The following RALYL variants were observed in gnomAD, a reference collection of about 807,000 sequenced individuals.
RALYL encodes the protein RALY RNA binding protein like.
In RALYL, 29 loss-of-function variants were observed where a neutral mutation model predicts 35.1. The ratio of observed to expected loss-of-function variants is 0.83; its 90% CI spans 0.61 to 1.13. The LOEUF (loss-of-function observed/expected upper bound fraction) is 1.13, where lower values mean the gene tolerates loss of function less well. RALYL is among the 50% of genes most tolerant of loss of function. The probability of loss-of-function intolerance (pLI) is 0.00; values close to 1 mark genes in which losing one functional copy is unlikely to be tolerated. For missense variants in RALYL, 359 were observed against 360.4 expected, an observed-to-expected ratio of 1.00 and a Z score of 0.03; for synonymous variants, 120 against 127.6, an observed-to-expected ratio of 0.94 and a Z score of 0.40.
chr8:84,710,084 A>T (rs1841923747), intron 2 of RALYL, among the ~76,000 whole-genome samples: 1 of 151,820 alleles, frequency 6.6e-6, no homozygotes, highest in Non-Finnish European at 1.5e-5. Flanking sequence ...AATAAACAAA[A>T]AAGCTACGAA....
At chr8:84,238,041 A>C (rs928798636) in intron 1 of RALYL, among the ~76,000 whole-genome samples, 2 of 152,122 alleles carry the variant, frequency 1.3e-5, no homozygotes, top group Non-Finnish European at 2.9e-5. Flanking sequence ...ATTTAAAAAC[A>C]TAAAATGTGA....
chr8:84,710,087 G>T (rs1841924269), intron 2 of RALYL, among the ~76,000 whole-genome samples: 1 of 151,710 alleles, frequency 6.6e-6, no homozygotes, highest in Non-Finnish European at 1.5e-5. Flanking sequence ...AAACAAAAAA[G>T]CTACGAATTG....
intron 2 of RALYL, among the ~76,000 whole-genome samples, chr8:84,579,146 T>C (rs1810232439): frequency 6.6e-6 from 1 of 152,042 alleles, no homozygotes; most frequent in Admixed American, 6.5e-5. Flanking sequence ...CTCCCTCCCA[T>C]GATTATTGGT....
At chr8:84,856,105 C>A (rs1471758472) in intron 5 of RALYL, among the ~76,000 whole-genome samples, 1 of 152,062 alleles carries the variant, frequency 6.6e-6, no homozygotes, top group Non-Finnish European at 1.5e-5. Flanking sequence ...GTATGGTATT[C>A]CATTTGAAAT....
At chr8:84,422,591 C>G (rs1157432242) in intron 1 of RALYL, among the ~76,000 whole-genome samples, 2 of 116,416 alleles carry the variant, frequency 1.7e-5, no homozygotes, top group African/African-American at 3.4e-5. Context: ...CTTCTGCTAG[C>G]TTTTGAATGT....
intron 2 of RALYL, among the ~76,000 whole-genome samples, chr8:84,761,155 G>A (rs1350564113): frequency 6.6e-6 from 1 of 152,076 alleles, no homozygotes; most frequent in East Asian, 1.9e-4. Flanking sequence ...CCTGTGAGAG[G>A]AAGTATTTTC....
chr8:84,802,094 A>G (rs1469051501), intron 3 of RALYL, among the ~76,000 whole-genome samples: 2 of 152,202 alleles, frequency 1.3e-5, no homozygotes, highest in East Asian at 3.9e-4. Flanking sequence ...TTGGACATGC[A>G]GTCTGCTCTG....
chr8:84,468,916 T>C (rs1201393824), intron 1 of RALYL, among the ~76,000 whole-genome samples: 2 of 151,898 alleles, frequency 1.3e-5, no homozygotes, highest in Non-Finnish European at 2.9e-5. Context: ...GCTGATACCC[T>C]TTCTTCCAGT....
intron 2 of RALYL, among the ~76,000 whole-genome samples, chr8:84,637,113 A>G (rs1825225135): frequency 6.6e-6 from 1 of 151,864 alleles, no homozygotes; most frequent in Non-Finnish European, 1.5e-5. Context: ...TTAGGTTCTT[A>G]TCCTTAATGT....
At chr8:84,289,483 G>A (rs1838336155) in intron 1 of RALYL, among the ~76,000 whole-genome samples, 1 of 152,130 alleles carries the variant, frequency 6.6e-6, no homozygotes, top group East Asian at 1.9e-4. Context: ...GGCTAGGTGA[G>A]TGCAAGAATG....
intron 2 of RALYL, among the ~76,000 whole-genome samples, chr8:84,632,389 T>G (rs1372428176): frequency 2.0e-5 from 3 of 151,974 alleles, no homozygotes; most frequent in Non-Finnish European, 1.5e-5. Context: ...ACTAAATATT[T>G]GCTATGTTTA....
chr8:84,195,312 C>T (rs1312644518), intron 1 of RALYL, among the ~76,000 whole-genome samples: 2 of 152,016 alleles, frequency 1.3e-5, no homozygotes, highest in African/African-American at 2.4e-5. Context: ...TGGTGGCATG[C>T]GCCTGTAGTC....
At chr8:84,508,932 A>G (rs2057390377) in intron 1 of RALYL, among the ~76,000 whole-genome samples, 1 of 152,160 alleles carries the variant, frequency 6.6e-6, no homozygotes, top group African/African-American at 2.4e-5. Context: ...AGGAATGAAT[A>G]ATCATTAATA....
At chr8:84,424,797 G>T (rs987313004) in intron 1 of RALYL, among the ~76,000 whole-genome samples, 47 of 152,068 alleles carry the variant, frequency 3.1e-4, no homozygotes, top group Non-Finnish European at 4.3e-4. Context: ...AGGTCTGTTG[G>T]AATACCCTGC....
intron 3 of RALYL, among the ~76,000 whole-genome samples, chr8:84,777,563 G>A (rs1817123761): frequency 6.6e-6 from 1 of 152,196 alleles, no homozygotes. Context: ...TCAATGTAGA[G>A]AATATGGTGG....
intron 2 of RALYL, among the ~76,000 whole-genome samples, chr8:84,577,104 T>C (rs1013099187): frequency 6.6e-6 from 1 of 152,214 alleles, no homozygotes; most frequent in Non-Finnish European, 1.5e-5. Flanking sequence ...TTTTTAGGTC[T>C]TTCTGAGGAG....
chr8:84,425,344 C>T (rs575170996), intron 1 of RALYL, among the ~76,000 whole-genome samples: 196 of 149,620 alleles, frequency 1.3e-3, no homozygotes, highest in Admixed American at 2.9e-3. Context: ...TTCTTTGACT[C>T]GGAAAGGGAA....
At chr8:84,793,800 G>A (rs1381534573) in intron 3 of RALYL, among the ~76,000 whole-genome samples, 1 of 152,182 alleles carries the variant, frequency 6.6e-6, no homozygotes, top group African/African-American at 2.4e-5. Flanking sequence ...GGGTCCAGGG[G>A]AGGGTGGGAA....
chr8:84,694,854 TG>T (rs972730861), intron 2 of RALYL, among the ~76,000 whole-genome samples: 2 of 151,900 alleles, frequency 1.3e-5, no homozygotes, highest in African/African-American at 2.4e-5. Flanking sequence ...ATTTGATATG[TG>T]TTTTGAACAT....
Sources: gnomAD v4.1 joint callset for allele counts (sites outside exome capture counted in the v4.1 genomes callset) on GRCh38, gnomAD v4.1.1 for gene constraint, MANE v1.5 for transcripts, NCBI Gene and HGNC (gene_info 2026-07-23, HGNC 2026-07-21) for gene names.